FAM13A: variants seen among roughly 807,000 people sequenced by gnomAD.
FAM13A encodes the protein protein FAM13A.
A neutral mutation model predicts 129.6 loss-of-function variants in FAM13A; 76 were observed. That is an observed-to-expected ratio of 0.59 (90% CI 0.49 to 0.71). The LOEUF (loss-of-function observed/expected upper bound fraction) is 0.71, where lower values mean the gene tolerates loss of function less well. Ranked by LOEUF, FAM13A falls within the 30% of genes least tolerant of loss-of-function variation. The pLI is 0.00. For missense variants in FAM13A, 1,108 were observed against 1,249.3 expected (o/e 0.89, Z 1.70); for synonymous variants, 443 against 449.9 (o/e 0.98, Z 0.20).
intron 4 of FAM13A, among the ~76,000 whole-genome samples, chr4:88,967,259 C>T (rs1281449857): frequency 2.0e-5 from 3 of 152,142 alleles, no homozygotes; most frequent in Non-Finnish European, 2.9e-5. Flanking sequence ...GCAGGCAGTA[C>T]GTCTCTCTGA....
At chr4:88,982,201 T>C (rs372562863) in intron 4 of FAM13A, among the ~76,000 whole-genome samples, 1 of 152,204 alleles carries the variant, frequency 6.6e-6, no homozygotes, top group African/African-American at 2.4e-5. Context: ...CATTTTCTAT[T>C]CCATTAAATA....
chr4:88,834,896 C>T (rs1195369123), intron 7 of FAM13A, among the ~76,000 whole-genome samples: 1 of 152,136 alleles, frequency 6.6e-6, no homozygotes, highest in African/African-American at 2.4e-5. Flanking sequence ...CCACTGTTCT[C>T]TTCCATTCCC....
intron 1 of FAM13A, among the ~76,000 whole-genome samples, chr4:89,039,145 A>C (rs139599158): frequency 9.9e-4 from 151 of 152,330 alleles, no homozygotes; most frequent in African/African-American, 3.4e-3. Flanking sequence ...AAGCTAGAAG[A>C]AAAAGTTAAA....
intron 7 of FAM13A, among the ~76,000 whole-genome samples, chr4:88,834,048 C>T (rs942984908): frequency 6.7e-6 from 1 of 148,590 alleles, no homozygotes; most frequent in Non-Finnish European, 1.5e-5. Flanking sequence ...CACCACCAGG[C>T]CTGGCTATTT....
intron 1 of FAM13A, among the ~76,000 whole-genome samples, chr4:89,032,119 C>G (rs150766784): frequency 0.013 from 1,939 of 152,058 alleles, 47 homozygotes; most frequent in African/African-American, 0.044. Flanking sequence ...TGGTGGGCAC[C>G]TGTAGTCCCA....
chr4:88,740,678 G>T (rs980680624), intron 19 of FAM13A, among the ~76,000 whole-genome samples: 1 of 152,216 alleles, frequency 6.6e-6, no homozygotes, highest in Non-Finnish European at 1.5e-5. Flanking sequence ...CTTTGAAGAT[G>T]ACTCTGGATT....
rs1416243329 is a variant in FAM13A at position 89,057,100 on chromosome 4, C to T, written c.-136G>A. 8.1e-6 allele frequency: 12 copies of T among 1,488,272 alleles called. No homozygotes were observed. The highest frequency in any genetic ancestry group is 7.1e-6 in the Non-Finnish European group (8 of 1,122,138). 92.2% of individuals were successfully genotyped at this position (1,488,272 alleles called of 1,614,324 possible). On this transcript the variant is annotated 5_prime_UTR_variant, in exon 1 of 24. Transcript: ENST00000264344. The stretch of plus-strand genomic sequence containing the variant: ...CCCAATGCAAAGGCCCCAAGGTAAG[C>T]GAAGAGCAGCTTCTAACATTTTAGG...
chr4:88,759,059 T>G, intron 13 of FAM13A, 158 bp from the exon 14 acceptor site: 55 of 650,852 alleles, frequency 8.5e-5, no homozygotes, highest in Non-Finnish European at 1.3e-4. Flanking sequence ...CCCCGGATCC[T>G]AGCTGGCCAC....
At chr4:88,749,094 TTGA>T (rs1742002165) in intron 16 of FAM13A, 61 bp from the exon 17 acceptor site, 3 of 1,226,932 alleles carry the variant, frequency 2.4e-6, no homozygotes, top group Non-Finnish European at 3.6e-6. Context: ...TAAGAAGTGT[TTGA>T]TGATCATTTT....
Position 88,747,627 on chromosome 4 carries a change from G to C in FAM13A, c.2382+4C>G, listed in dbSNP as rs117268329. The C allele has an allele frequency of 1.1e-5, 17 of 1,612,102 alleles. No homozygotes were observed. Among genetic ancestry groups the C allele is most frequent in the Non-Finnish European group, 1.4e-5 (16 of 1,178,330 alleles). ...GGGCTTAGCACTTCACAGAATGATC[G>C]CACCTTAATGTCCTCAGGGCGGCTG... On this transcript the variant is annotated splice_donor_region_variant and intron_variant, in intron 18 of 23. Transcript: ENST00000264344.
rs1364181001 is a variant in FAM13A at position 89,020,636 on chromosome 4, C to G, written c.251G>C (p.Gly84Ala). 6.2e-7 allele frequency: 1 copy of G among 1,614,090 alleles called. No homozygotes were observed. The highest frequency in any genetic ancestry group is 8.5e-7 in the Non-Finnish European group (1 of 1,180,024). ...LTQEGLFRVN[G>A]NVKVVEQLRL... Reference sequence around the variant, plus strand: ...AAGTTGTTCCACCACCTTCACGTTACCATTCACCCTAAAAAGACCTTCTTG... The same window carrying G: ...AAGTTGTTCCACCACCTTCACGTTAGCATTCACCCTAAAAAGACCTTCTTG... The change falls in exon 3 of 24, where the codon GGT (glycine) becomes GCT (alanine). Residue 84 changes from glycine to alanine, a missense_variant. By Grantham distance (60) the Gly-to-Ala change is moderately conservative. Coordinates refer to ENST00000264344, the MANE Select transcript of FAM13A (RefSeq NM_014883.4).
intron 3 of FAM13A, among the ~76,000 whole-genome samples, chr4:89,002,892 AAAAATAG>A (rs1466411907): frequency 1.3e-4 from 20 of 152,328 alleles, no homozygotes; most frequent in African/African-American, 3.4e-4. Context: ...TTTGGATATT[AAAAATAG>A]AAAAGCTAAA....
At chr4:88,770,389 T>C (rs1720415883) in intron 11 of FAM13A, among the ~76,000 whole-genome samples, 1 of 152,192 alleles carries the variant, frequency 6.6e-6, no homozygotes, top group African/African-American at 2.4e-5. Flanking sequence ...CCTAAAGCTC[T>C]GAAACATGAA....
intron 4 of FAM13A, among the ~76,000 whole-genome samples, chr4:88,971,186 C>A (rs761662484): frequency 8.9e-4 from 135 of 152,130 alleles, no homozygotes; most frequent in Non-Finnish European, 1.6e-3. Context: ...CCACTGCACT[C>A]CAGCCTGGGC....
chr4:88,938,317 T>G, intron 4 of FAM13A, 76 bp from the exon 5 acceptor site: 1 of 1,162,072 alleles, frequency 8.6e-7, no homozygotes, highest in East Asian at 2.4e-5. Context: ...AGACTTGTAT[T>G]TTGAAATCTC....
chr4:88,851,623 TC>T (rs1338134110), intron 6 of FAM13A, among the ~76,000 whole-genome samples: 3 of 152,186 alleles, frequency 2.0e-5, no homozygotes, highest in African/African-American at 7.2e-5. Flanking sequence ...TGAAAGGTAT[TC>T]AGAAATATTT....
chr4:88,890,140 G>A lies in FAM13A; in HGVS notation c.843+16239C>T, dbSNP rs534568481. Among the ~76,000 whole-genome samples, 3 of 152,194 alleles carry A rather than the reference G, an allele frequency of 2.0e-5. No individual in the cohort carries two copies. In the East Asian group the frequency reaches 5.8e-4, roughly 29 times the overall value. ...ATTTAGTTGCCTGTATGTCTGTCTG[G>A]TCTCCAGCTCAGCCTGGCTCCTTGA... is the stretch of plus-strand genomic sequence containing the variant. On this transcript the variant is annotated intron_variant, in intron 6 of 23. Transcript: ENST00000264344.
chr4:89,003,995 T>C (rs1201908979), intron 3 of FAM13A, among the ~76,000 whole-genome samples: 1 of 152,190 alleles, frequency 6.6e-6, no homozygotes, highest in African/African-American at 2.4e-5. Flanking sequence ...GGTTTTCTTT[T>C]CTTTTTTTGT....
chr4:88,834,055 A>ATTTTTTTTTTT (rs922832858), intron 7 of FAM13A, among the ~76,000 whole-genome samples: 3 of 84,222 alleles, frequency 3.6e-5, no homozygotes, highest in Non-Finnish European at 4.8e-5. Context: ...AGGCCTGGCT[A>ATTTTTTTTTTT]TTTTTTTTTT....
Sources: gnomAD v4.1 joint callset for allele counts (sites outside exome capture counted in the v4.1 genomes callset) on GRCh38, gnomAD v4.1.1 for gene constraint, MANE v1.5 for transcripts, NCBI Gene and HGNC (gene_info 2026-07-23, HGNC 2026-07-21) for gene names.